The following DDHD1 variants were observed in gnomAD, a reference collection of about 807,000 sequenced individuals.
DDHD1 encodes phospholipase DDHD1.
A neutral mutation model predicts 96.4 loss-of-function variants in DDHD1; 49 were observed. The ratio of observed to expected loss-of-function variants is 0.51; its 90% confidence interval spans 0.40 to 0.64. The LOEUF (loss-of-function observed/expected upper bound fraction) is 0.64, where lower values mean the gene tolerates loss of function less well. Ranked by LOEUF, DDHD1 falls within the 30% of genes least tolerant of loss-of-function variation. The pLI, the probability that DDHD1 is intolerant of heterozygous loss-of-function variation, is 0.00. For synonymous variants in DDHD1, 442 were observed against 446.5 expected, an observed-to-expected ratio of 0.99 and a Z score of 0.13; for missense variants, 1,106 against 1,161.2, an observed-to-expected ratio of 0.95 and a Z score of 0.69.
chr14:53,137,990 CA>C (rs1890359872), intron 1 of DDHD1, among the ~76,000 whole-genome samples: 2 of 152,168 alleles, frequency 1.3e-5, no homozygotes, highest in Non-Finnish European at 2.9e-5. Flanking sequence ...AAGTGAAAGA[CA>C]ATGAAGTGAT....
chr14:53,056,261 T>A (rs1182491620), intron 9 of DDHD1, among the ~76,000 whole-genome samples: 1 of 152,160 alleles, frequency 6.6e-6, no homozygotes, highest in Non-Finnish European at 1.5e-5. Flanking sequence ...AGGCCAATTT[T>A]TAATATTTTA....
At position 53,141,009 on chromosome 14, in the gene DDHD1, G is replaced by C. The variant is rs185425676; in HGVS notation, c.838+11252C>G. Among the ~76,000 whole-genome samples, 59 of 152,252 alleles carry C rather than the reference G, an allele frequency of 3.9e-4. No individual in the cohort carries two copies. In the East Asian group the frequency reaches 7.5e-3, roughly 19 times the overall value. On this transcript the variant is annotated intron_variant, in intron 1 of 12. Coordinates refer to ENST00000673822, the MANE Select transcript of DDHD1 (RefSeq NM_001160148.2). ...AAAGTGATAAAGGCAGTATTTCATCGAAGGATGTAATAATCCTAAATGTAT... is the reference window on the plus strand; with the variant it reads ...AAAGTGATAAAGGCAGTATTTCATCCAAGGATGTAATAATCCTAAATGTAT...
intron 1 of DDHD1, 94 bp from the exon 2 acceptor site, chr14:53,103,950 G>T: frequency 3.5e-6 from 4 of 1,143,920 alleles, no homozygotes; most frequent in Non-Finnish European, 4.8e-6. Flanking sequence ...TGCTACTGCT[G>T]TCACAAAAAC....
At chr14:53,051,169 A>G (rs111599724) in intron 12 of DDHD1, among the ~76,000 whole-genome samples, 315 of 151,920 alleles carry the variant, frequency 2.1e-3, no homozygotes, top group African/African-American at 7.3e-3. Flanking sequence ...AAGCCCTGTA[A>G]CGTGTTTTGT....
At chr14:53,088,505 T>G (rs1049882429) in intron 4 of DDHD1, among the ~76,000 whole-genome samples, 3 of 151,884 alleles carry the variant, frequency 2.0e-5, no homozygotes, top group African/African-American at 7.3e-5. Flanking sequence ...GGGATGCAAG[T>G]CTGGTTCAAC....
chr14:53,075,042 C>T (rs1884839945), intron 4 of DDHD1, among the ~76,000 whole-genome samples: 1 of 152,106 alleles, frequency 6.6e-6, no homozygotes, highest in Non-Finnish European at 1.5e-5. Flanking sequence ...TCTCCTGCTC[C>T]GAGGGCTTCC....
chr14:53,050,521 A>G (rs1339733378), intron 12 of DDHD1, among the ~76,000 whole-genome samples: 1 of 151,974 alleles, frequency 6.6e-6, no homozygotes, highest in East Asian at 1.9e-4. Flanking sequence ...TATTGTACCT[A>G]TGTTTTGCGG....
chr14:53,129,924 G>C lies in DDHD1; in HGVS notation c.838+22337C>G, dbSNP rs186148366. Among the ~76,000 whole-genome samples, 387 of 152,282 alleles carry C rather than the reference G, an allele frequency of 2.5e-3. 2 individuals carry two copies. The highest frequency in any genetic ancestry group is 7.9e-3 in the African/African-American group (328 of 41,554). On this transcript the variant is annotated intron_variant, in intron 1 of 12. Coordinates refer to ENST00000673822, the MANE Select transcript of DDHD1 (RefSeq NM_001160148.2). The stretch of plus-strand genomic sequence containing the variant: ...AATGGGCAAATGGTCTGAGGTGCCC[G>C]ACGTCCAGGCATTCTTTTACACATC...
intron 2 of DDHD1, 22 bp from the exon 3 acceptor site, chr14:53,093,466 A>G: frequency 6.2e-7 from 1 of 1,601,556 alleles, no homozygotes; most frequent in South Asian, 1.2e-5. Context: ...AGGAAAAGCT[A>G]ATTTGAAGGT....
At chr14:53,135,769 CAT>C (rs1398499099) in intron 1 of DDHD1, among the ~76,000 whole-genome samples, 1 of 152,202 alleles carries the variant, frequency 6.6e-6, no homozygotes, top group African/African-American at 2.4e-5. Context: ...CAGAATAACA[CAT>C]AATGGATTTA....
At chr14:53,086,888 A>T (rs2139977929) in intron 4 of DDHD1, among the ~76,000 whole-genome samples, 1 of 148,310 alleles carries the variant, frequency 6.7e-6, no homozygotes, top group Non-Finnish European at 1.5e-5. Flanking sequence ...AGTGTGCTGT[A>T]TTCAGGAGAC....
chr14:53,107,663 C>T (rs1008987012), intron 1 of DDHD1, among the ~76,000 whole-genome samples: 1 of 152,106 alleles, frequency 6.6e-6, no homozygotes, highest in African/African-American at 2.4e-5. Context: ...TGGTGGTACA[C>T]ACCTATAGTC....
At chr14:53,060,791 C>A (rs1883481792) in intron 8 of DDHD1, among the ~76,000 whole-genome samples, 1 of 152,116 alleles carries the variant, frequency 6.6e-6, no homozygotes, top group African/African-American at 2.4e-5. Flanking sequence ...TTTCACTTGG[C>A]AATATCTAAT....
chr14:53,049,145 T>C (rs1400687676), intron 12 of DDHD1: 1 of 152,222 alleles, frequency 6.6e-6, no homozygotes, highest in African/African-American at 2.4e-5. Context: ...GGCACTCAAA[T>C]GTTAAATTTC....
intron 4 of DDHD1, among the ~76,000 whole-genome samples, chr14:53,077,192 G>T (rs1212691515): frequency 1.3e-5 from 2 of 152,252 alleles, no homozygotes; most frequent in East Asian, 3.9e-4. Context: ...CTGTTTTGGC[G>T]AGACTACTAC....
At chr14:53,126,195 T>C (rs992993645) in intron 1 of DDHD1, among the ~76,000 whole-genome samples, 2 of 152,210 alleles carry the variant, frequency 1.3e-5, no homozygotes, top group African/African-American at 4.8e-5. Context: ...AAAAATATTT[T>C]CAGTATTTTT....
rs769953397 is a variant in DDHD1 at position 53,152,754 on chromosome 14, C to CA, written c.344dup (p.Leu115PhefsTer44). On this transcript the variant is annotated frameshift_variant, in exon 1 of 13. Transcript: ENST00000673822. LOFTEE classifies it high-confidence loss of function. Reference sequence around the variant, plus strand: ...GAGGCTGCTGCGGCGGGTGCAGCGACAAGGAGCTGCCGCCGCCGCCGCTCT... The same window carrying CA: ...GAGGCTGCTGCGGCGGGTGCAGCGACAAAGGAGCTGCCGCCGCCGCCGCTCT... The CA allele has an allele frequency of 3.9e-6, 6 of 1,545,186 alleles. No homozygotes were observed. In the African/African-American group the frequency reaches 9.1e-5, roughly 23 times the overall value.
At chr14:53,130,970 G>A (rs914135913) in intron 1 of DDHD1, among the ~76,000 whole-genome samples, 1 of 152,024 alleles carries the variant, frequency 6.6e-6, no homozygotes, top group African/African-American at 2.4e-5. Context: ...TCAATACAGA[G>A]GCTACCCACT....
chr14:53,116,985 GA>G (rs1888591543), intron 1 of DDHD1, among the ~76,000 whole-genome samples: 1 of 152,012 alleles, frequency 6.6e-6, no homozygotes, highest in Non-Finnish European at 1.5e-5. Context: ...ATAAAGAAAA[GA>G]GAGAAGAATT....
Sources: allele counts gnomAD v4.1 joint callset (sites outside exome capture counted in the v4.1 genomes callset), GRCh38; gene constraint gnomAD v4.1.1; transcripts MANE v1.5; gene names NCBI Gene and HGNC (gene_info 2026-07-23, HGNC 2026-07-21).